PCNX2: variants seen among roughly 807,000 people sequenced by gnomAD.
PCNX2 encodes pecanex 2, also known as pecanex-like protein 2.
A neutral mutation model predicts 223.8 loss-of-function variants in PCNX2; 168 were observed. The observed-to-expected ratio is 0.75, with a 90% confidence interval of 0.66 to 0.85. The LOEUF (loss-of-function observed/expected upper bound fraction) is 0.85. Among genes scored for constraint, PCNX2 ranks in the 40% least tolerant of loss-of-function variants. The pLI, the probability that PCNX2 is intolerant of heterozygous loss-of-function variation, is 0.00. For missense variants in PCNX2, 2,507 were observed against 2,675.5 expected, an observed-to-expected ratio of 0.94 and a Z score of 1.39; for synonymous variants, 1,006 against 1,052.6, an observed-to-expected ratio of 0.96 and a Z score of 0.86.
intron 9 of PCNX2, among the ~76,000 whole-genome samples, chr1:233,235,957 A>AAAAATATATATATAT (rs369886650): frequency 4.3e-4 from 40 of 93,086 alleles, no homozygotes; most frequent in South Asian, 2.1e-3. Context: ...CATAAAAAAA[A>AAAAATATATATATAT]ATATATATAT....
the PCNX2 span, among the ~76,000 whole-genome samples, chr1:233,318,277 T>A: frequency 2.6e-5 from 4 of 152,220 alleles, no homozygotes; most frequent in African/African-American, 4.8e-5. Context: ...TTCCATTTTT[T>A]AAAGAATTCA....
At position 232,990,230 on chromosome 1, in the gene PCNX2, C is replaced by T. The variant is rs1669645193; in HGVS notation, c.5792-3690G>A. On this transcript the variant is annotated intron_variant, in intron 32 of 33. Coordinates refer to ENST00000258229, the MANE Select transcript of PCNX2 (RefSeq NM_014801.4). This position sits in a 1 kb window ranked among gnomAD's most constrained non-coding sequence, Gnocchi z 4.3. ...GCAAAGTGTCCCGGGCAGGGCCAGG[C>T]AGAGCCGCCCCTCCCGTTGTGGTAG... Among the ~76,000 whole-genome samples the T allele has an allele frequency of 6.6e-6, 1 of 152,166 alleles. No homozygotes were observed. The highest frequency in any genetic ancestry group is 1.5e-5 in the Non-Finnish European group (1 of 68,026).
chr1:233,312,351 TG>T, the PCNX2 span, among the ~76,000 whole-genome samples: 1 of 152,196 alleles, frequency 6.6e-6, no homozygotes, highest in East Asian at 1.9e-4. Flanking sequence ...TAGATATAAT[TG>T]GATAATTATC....
At chr1:233,197,954 G>A (rs950088260) in intron 15 of PCNX2, among the ~76,000 whole-genome samples, 11 of 152,052 alleles carry the variant, frequency 7.2e-5, no homozygotes, top group African/African-American at 2.4e-5. Context: ...TAAACCGTAA[G>A]TCCAGAAATA....
chr1:233,172,917 C>T (rs73109236), intron 17 of PCNX2, among the ~76,000 whole-genome samples: 2,524 of 152,310 alleles, frequency 0.017, 56 homozygotes, highest in African/African-American at 0.057. Flanking sequence ...TTCTGAAACT[C>T]TTAAATCCCT....
At chr1:233,167,138 CTGAG>C (rs1344759703) in intron 17 of PCNX2, among the ~76,000 whole-genome samples, 1 of 152,144 alleles carries the variant, frequency 6.6e-6, no homozygotes, top group African/African-American at 2.4e-5. Flanking sequence ...TGGAAACAAC[CTGAG>C]TGTCTGTCAA....
intron 7 of PCNX2, 110 bp from the exon 8 acceptor site, chr1:233,250,942 A>G: frequency 3.4e-6 from 4 of 1,177,520 alleles, no homozygotes; most frequent in East Asian, 2.7e-5. Context: ...GTCTGTTATA[A>G]TAACTGTTGA....
At chr1:233,111,187 G>A (rs926485363) in intron 21 of PCNX2, among the ~76,000 whole-genome samples, 1 of 152,076 alleles carries the variant, frequency 6.6e-6, no homozygotes, top group African/African-American at 2.4e-5. Context: ...TCTGATGCTA[G>A]GTCTGCCTCT....
chr1:233,012,045 A>AC (rs372263409), intron 28 of PCNX2, among the ~76,000 whole-genome samples: 7 of 152,284 alleles, frequency 4.6e-5, no homozygotes, highest in African/African-American at 1.7e-4. Context: ...ACTGGAGGAC[A>AC]GTTCACCACA....
At chr1:233,290,475 T>C (rs1436918729) in intron 1 of PCNX2, among the ~76,000 whole-genome samples, 4 of 152,196 alleles carry the variant, frequency 2.6e-5, no homozygotes, top group Non-Finnish European at 4.4e-5. Flanking sequence ...AGTAAAATTA[T>C]TTCAGCTTTG....
rs1672426840 is a variant in PCNX2, at chr1:233,062,057, C to A, written c.4077-4767G>T. On this transcript the variant is annotated intron_variant, in intron 23 of 33. Transcript: ENST00000258229. ...TACAGGCATGAGCCACTGCGCCTAGCCCCTTTCTTTGTATTTTACCCAGTT... is the reference window on the plus strand; with the variant it reads ...TACAGGCATGAGCCACTGCGCCTAGACCCTTTCTTTGTATTTTACCCAGTT... Among the ~76,000 whole-genome samples, 4 of 152,188 alleles carry A rather than the reference C, an allele frequency of 2.6e-5. No individual in the cohort carries two copies. The South Asian group carries it at 8.3e-4, about 32-fold the overall frequency.
chr1:232,985,592 G>A (rs561906158), intron 33 of PCNX2: 18 of 220,006 alleles, frequency 8.2e-5, no homozygotes, highest in Non-Finnish European at 1.2e-4. Context: ...TTATTTGGGT[G>A]AAGTCCTTAG....
At chr1:233,117,599 T>TC (rs1675488977) in intron 21 of PCNX2, among the ~76,000 whole-genome samples, 2 of 78,616 alleles carry the variant, frequency 2.5e-5, no homozygotes, top group East Asian at 3.9e-4. Context: ...AGACTCCGTC[T>TC]AAAGAAAAAA....
intron 25 of PCNX2, among the ~76,000 whole-genome samples, chr1:233,043,294 T>C (rs1021299756): frequency 3.3e-5 from 5 of 152,214 alleles, no homozygotes; most frequent in African/African-American, 9.6e-5. Context: ...ACACAAATGA[T>C]GGTTAAATGG....
At chr1:233,295,876 TTC>T (rs895804642), upstream of PCNX2, 95 of 194,126 alleles carry the variant, frequency 4.9e-4, 1 homozygote, top group Admixed American at 6.1e-4. This position sits in a 1 kb window ranked among gnomAD's most constrained non-coding sequence, Gnocchi z 4.1. Flanking sequence ...CTTTCTCTTT[TTC>T]TCTCTTTCTT....
chr1:233,002,365 G>C (rs1021649435), intron 28 of PCNX2, among the ~76,000 whole-genome samples: 3 of 152,030 alleles, frequency 2.0e-5, no homozygotes, highest in African/African-American at 7.2e-5. Flanking sequence ...ACCAATAATA[G>C]ACAAACAGAG....
At chr1:233,055,066 C>T (rs1468456133) in intron 24 of PCNX2, among the ~76,000 whole-genome samples, 1 of 152,178 alleles carries the variant, frequency 6.6e-6, no homozygotes, top group Admixed American at 6.5e-5. Flanking sequence ...ATCCATTCAG[C>T]TGCTGAAGGA....
intron 18 of PCNX2, among the ~76,000 whole-genome samples, chr1:233,160,754 A>C (rs903358619): frequency 6.6e-6 from 1 of 152,232 alleles, no homozygotes; most frequent in African/African-American, 2.4e-5. Flanking sequence ...TTTCCTCATG[A>C]AAAGGGGAGT....
At chr1:233,004,861 G>A (rs1196269846) in intron 28 of PCNX2, among the ~76,000 whole-genome samples, 1 of 152,216 alleles carries the variant, frequency 6.6e-6, no homozygotes, top group East Asian at 1.9e-4. Flanking sequence ...GAACAGCCAG[G>A]GGCTGGTCAG....
Sources: gnomAD v4.1 joint callset for allele counts (sites outside exome capture counted in the v4.1 genomes callset) on GRCh38, gnomAD v4.1.1 for gene constraint, Gnocchi (gnomAD v3.1) non-coding constraint, MANE v1.5 for transcripts, NCBI Gene and HGNC (gene_info 2026-07-23, HGNC 2026-07-21) for gene names.